Variants in ITGB2 observed in about 807,000 individuals in gnomAD.
The protein encoded by ITGB2 is integrin beta-2.
Under a neutral mutation model 86.8 loss-of-function variants are expected in ITGB2, and 56 were observed. The observed-to-expected ratio is 0.65, with a 90% CI of 0.52 to 0.81. The LOEUF is 0.81. Among genes scored for constraint, ITGB2 ranks in the 30% least tolerant of loss-of-function variants. The probability of loss-of-function intolerance (pLI) is 0.00; values close to 1 mark genes in which losing one functional copy is unlikely to be tolerated. For synonymous variants in ITGB2, 457 were observed against 450.4 expected, an observed-to-expected ratio of 1.01 and a Z score of -0.19; for missense variants, 948 against 1,061.2, an observed-to-expected ratio of 0.89 and a Z score of 1.48.
At chr21:44,899,665 G>A (rs1409244413) in intron 7 of ITGB2, among the ~76,000 whole-genome samples, 1 of 152,178 alleles carries the variant, frequency 6.6e-6, no homozygotes, top group Non-Finnish European at 1.5e-5. Context: ...TACGGCCAGC[G>A]AGGACAAGCC....
intron 10 of ITGB2, chr21:44,893,081 C>T (rs931120290): frequency 8.6e-6 from 3 of 350,710 alleles, no homozygotes; most frequent in Non-Finnish European, 1.7e-5. Flanking sequence ...ACCCTCCCAG[C>T]ACCCTCTCAC....
Position 44,910,312 on chromosome 21 carries a change from C to G in ITGB2, c.119G>C (p.Gly40Ala), listed in dbSNP as rs778923736. 7 of 1,613,992 alleles carry G rather than the reference C, an allele frequency of 4.3e-6. No homozygotes were observed. Among genetic ancestry groups the G allele is most frequent in the Admixed American group, 1.7e-5 (1 of 60,002 alleles). ...CTTCTGGCACCAGGTGCAGCCGGGCCCCGACTCGATGCATTCCCGGCAGCT... is the reference window on the plus strand; with the variant it reads ...CTTCTGGCACCAGGTGCAGCCGGGCGCCGACTCGATGCATTCCCGGCAGCT... ...VSSCRECIES[G>A]PGCTWCQKLN... Residue 40 changes from glycine to alanine, a missense_variant, in exon 3 of 16, where the codon GGG becomes GCG. Transcript: ENST00000652462.
chr21:44,904,420 A>G (rs911762203), intron 4 of ITGB2, among the ~76,000 whole-genome samples: 1 of 151,842 alleles, frequency 6.6e-6, no homozygotes, highest in South Asian at 2.1e-4. Flanking sequence ...TCATGCACAC[A>G]CAGTCACACG....
rs1030831737 is a variant in ITGB2, at chr21:44,886,005, G to T, written c.*363C>A. 1 of 342,246 alleles carries T rather than the reference G, an allele frequency of 2.9e-6. No individual in the cohort carries two copies. Among genetic ancestry groups the T allele is most frequent in the Admixed American group, 4.3e-5 (1 of 23,518 alleles). 21.2% of individuals were successfully genotyped at this position (342,246 alleles called of 1,614,324 possible). ...TTATTTTTTTTCTATACACGTGATT[G>T]ATTAACAATATAATTAATGGGATGT... is the stretch of plus-strand genomic sequence containing the variant. On this transcript the variant is annotated 3_prime_UTR_variant, in exon 16 of 16. Coordinates refer to ENST00000652462, the MANE Select transcript of ITGB2 (RefSeq NM_000211.5).
At chr21:44,901,130 G>T (rs528210634) in intron 6 of ITGB2, among the ~76,000 whole-genome samples, 8 of 152,204 alleles carry the variant, frequency 5.3e-5, no homozygotes, top group Non-Finnish European at 1.2e-4. Flanking sequence ...CGCCCACCCG[G>T]CCTGGAGGGA....
At chr21:44,920,030 C>T (rs1313791927) in intron 1 of ITGB2, among the ~76,000 whole-genome samples, 1 of 152,134 alleles carries the variant, frequency 6.6e-6, no homozygotes, top group Non-Finnish European at 1.5e-5. Context: ...CCAGCTGAAC[C>T]AACTCGACCA....
chr21:44,888,732 C>G lies in ITGB2; in HGVS notation c.2041G>C (p.Gly681Arg), dbSNP rs778865777. The G allele has an allele frequency of 1.2e-6, 2 of 1,611,076 alleles. No individual in the cohort carries two copies. The highest frequency in any genetic ancestry group is 1.7e-5 in the Admixed American group (1 of 60,028). ...WVAYTLEQQD[G>R]MDRYLIYVDE... The stretch of plus-strand genomic sequence containing the variant: ...ACATAGATGAGGTAGCGGTCCATCC[C>G]GTCCTGCTGCTCCAGCGTGTAGGCC... Residue 681 changes from glycine (G) to arginine (R), a missense_variant, in exon 14 of 16, where the codon GGG becomes CGG. Physicochemically the swap from Gly to Arg is moderately radical, Grantham distance 125 (BLOSUM62 -2). Transcript: ENST00000652462.
chr21:44,886,467 G>T, intron 15 of ITGB2, 37 bp from the exon 16 acceptor site: 1 of 1,597,244 alleles, frequency 6.3e-7, no homozygotes, highest in Non-Finnish European at 8.6e-7. Flanking sequence ...GTGAGTGTGG[G>T]AGGTTTTCAG....
chr21:44,919,023 A>ACTCGGAGGTG (rs1568909678), intron 1 of ITGB2, among the ~76,000 whole-genome samples: 2 of 145,004 alleles, frequency 1.4e-5, no homozygotes, highest in African/African-American at 2.6e-5. Context: ...ACTCGGAGGC[A>ACTCGGAGGTG]CCTGCAGTTG....
rs774415718 is a variant in ITGB2 at position 44,906,952 on chromosome 21, C to T, written c.291G>A (p.Gln97=). 1.9e-6 allele frequency: 3 copies of T among 1,614,214 alleles called. No homozygotes were observed. Among genetic ancestry groups the T allele is most frequent in the South Asian group, 1.1e-5 (1 of 91,082 alleles). ...TQEDHNGGQK[Q]LSPQKVTLYL... ...AAAGCGTCACTTTTTGTGGGGACAG[C>T]TGCTTCTGGCCCCCATTGTGGTCTT... The change falls in exon 4 of 16, where the codon CAG becomes CAA. Residue 97 remains glutamine, a synonymous_variant. Coordinates refer to ENST00000652462, the MANE Select transcript of ITGB2 (RefSeq NM_000211.5).
At position 44,906,314 on chromosome 21, in the gene ITGB2, C is replaced by A. The variant is rs191656804; in HGVS notation, c.328+601G>T. 2.2e-4 allele frequency among the ~76,000 whole-genome samples: 34 copies of A among 152,214 alleles called. No homozygotes were observed. The East Asian group carries it at 6.6e-3, about 29-fold the overall frequency. On this transcript the variant is annotated intron_variant, in intron 4 of 15. Coordinates refer to ENST00000652462, the MANE Select transcript of ITGB2 (RefSeq NM_000211.5). ...GGTTCAAGTGATTCTCCTGCCGCAG[C>A]AGGAGAATGTTGGCCAGGCTGGTCT...
In ITGB2 at chr21:44,888,891, A is replaced by G; in HGVS notation, c.1882T>C (p.Cys628Arg). The change falls in exon 14 of 16, where the codon TGC (cysteine) becomes CGC (arginine). Residue 628 changes from cysteine (C) to arginine (R), a missense_variant. Physicochemically the swap from Cys to Arg is radical, Grantham distance 180 (BLOSUM62 -3). Transcript: ENST00000652462. ...TTTTCGAACTTCAGGCACTCGGCGC[A>G]GGAGCTGCGGGGAGCCAGGTGTGAG... The part of the protein sequence containing the change: ...CPSPCGKYIS[C>R]AECLKFEKGP... 6.2e-7 allele frequency: 1 copy of G among 1,603,876 alleles called. No homozygotes were observed. Among genetic ancestry groups the G allele is most frequent in the Non-Finnish European group, 8.5e-7 (1 of 1,179,724 alleles).
intron 1 of ITGB2, chr21:44,928,280 C>T (rs1216055411): frequency 6.6e-6 from 1 of 152,228 alleles, no homozygotes; most frequent in African/African-American, 2.4e-5. Context: ...TTCCAGGCCC[C>T]CTGGGGGTGG....
At chr21:44,922,317 C>A (rs1025558133), upstream of ITGB2, among the ~76,000 whole-genome samples, 1 of 151,924 alleles carries the variant, frequency 6.6e-6, no homozygotes, top group Non-Finnish European at 1.5e-5. Flanking sequence ...GCTAACAATT[C>A]AAGAGTCTCC....
At chr21:44,912,849 C>T (rs559098042) in intron 1 of ITGB2, among the ~76,000 whole-genome samples, 2 of 134,836 alleles carry the variant, frequency 1.5e-5, no homozygotes, top group Non-Finnish European at 3.2e-5. Context: ...GGCTTCAGGA[C>T]TCCCCCAGGG....
chr21:44,913,958 C>T (rs75727427), intron 1 of ITGB2, among the ~76,000 whole-genome samples: 14,523 of 152,218 alleles, frequency 0.095, 888 homozygotes, highest in Middle Eastern at 0.17. Context: ...GCCGGCAGAG[C>T]TGCAGGGCAG....
intron 3 of ITGB2, chr21:44,908,288 G>A (rs891000951): frequency 1.3e-5 from 7 of 552,386 alleles, no homozygotes; most frequent in Non-Finnish European, 2.3e-5. Flanking sequence ...CCCTTCTCTA[G>A]TTTATAAGAC....
chr21:44,893,060 G>A (rs1045162847), intron 10 of ITGB2: 3 of 307,726 alleles, frequency 9.7e-6, no homozygotes, highest in Admixed American at 4.5e-5. Context: ...GGGCCAAGGC[G>A]TGTGTGAAGA....
At chr21:44,909,085 G>T (rs1324913044) in intron 3 of ITGB2, among the ~76,000 whole-genome samples, 1 of 152,232 alleles carries the variant, frequency 6.6e-6, no homozygotes, top group African/African-American at 2.4e-5. Flanking sequence ...AGCCATCGCA[G>T]TGATGGCGGC....
Sources: gnomAD v4.1 joint callset for allele counts (sites outside exome capture counted in the v4.1 genomes callset) on GRCh38, gnomAD v4.1.1 for gene constraint, MANE v1.5 for transcripts, NCBI Gene and HGNC (gene_info 2026-07-23, HGNC 2026-07-21) for gene names.